ABTB2: variants seen among roughly 807,000 people sequenced by gnomAD.
ABTB2 encodes ankyrin repeat and BTB/POZ domain-containing protein 2.
ABTB2 carries 56 observed loss-of-function variants against 104.1 expected under a neutral mutation model. The ratio of observed to expected loss-of-function variants is 0.54; its 90% CI spans 0.43 to 0.67. The LOEUF (loss-of-function observed/expected upper bound fraction) is 0.67. ABTB2 is among the 30% of genes least tolerant of loss of function. The pLI is 0.00. For synonymous variants in ABTB2, 606 were observed against 608.2 expected (o/e 1.00, Z 0.05); for missense variants, 1,279 against 1,407.7 (o/e 0.91, Z 1.46).
At chr11:34,309,294 T>A (rs950707754) in intron 1 of ABTB2, among the ~76,000 whole-genome samples, 1 of 152,178 alleles carries the variant, frequency 6.6e-6, no homozygotes, top group Non-Finnish European at 1.5e-5. Flanking sequence ...TTGAAGGAAA[T>A]TGAGTTGGGG....
intron 9 of ABTB2, among the ~76,000 whole-genome samples, chr11:34,164,364 G>C: frequency 1.3e-5 from 1 of 77,790 alleles, no homozygotes. Context: ...CCACCAGCAG[G>C]CATGGGAAGC....
chr11:34,269,379 C>T (rs1363489748), intron 1 of ABTB2, among the ~76,000 whole-genome samples: 1 of 152,148 alleles, frequency 6.6e-6, no homozygotes, highest in African/African-American at 2.4e-5. Flanking sequence ...CTTGCTTGGG[C>T]CACCCATTTG....
intron 2 of ABTB2, among the ~76,000 whole-genome samples, chr11:34,198,058 A>G (rs1335186840): frequency 2.6e-5 from 4 of 152,226 alleles, no homozygotes; most frequent in African/African-American, 9.6e-5. Flanking sequence ...AAAGTATGCA[A>G]TTCCCCAGAA....
intron 1 of ABTB2, among the ~76,000 whole-genome samples, chr11:34,347,737 T>C (rs1367008549): frequency 7.2e-5 from 11 of 152,018 alleles, no homozygotes; most frequent in Admixed American, 1.3e-4. Context: ...GCATTTAATA[T>C]GCTTGAAATC....
rs371505033 is a variant in ABTB2 at position 34,164,780 on chromosome 11, C to T, written c.1894G>A (p.Asp632Asn). Residue 632 changes from aspartate to asparagine, a missense_variant, in exon 9 of 17, where the codon GAC becomes AAC. Asp to Asn is a conservative substitution (Grantham distance 23). Coordinates refer to ENST00000435224, the MANE Select transcript of ABTB2 (RefSeq NM_145804.3). ...LVSLLLSRGA[D>N]PLLSMLEAHG... is the part of the protein sequence containing the mutation. Reference sequence around the variant, plus strand: ...GCCTCCAGCATGCTGAGGAGGGGGTCGGCGCCTCGGCTCAGCAACAAACTG... The same window carrying T: ...GCCTCCAGCATGCTGAGGAGGGGGTTGGCGCCTCGGCTCAGCAACAAACTG... 1.3e-5 allele frequency: 21 copies of T among 1,573,310 alleles called. No individual in the cohort carries two copies. Among genetic ancestry groups the T allele is most frequent in the East Asian group, 4.8e-5 (2 of 41,488 alleles).
Position 34,356,614 on chromosome 11 carries a change from C to G in ABTB2, c.883+87G>C. The G allele has an allele frequency of 6.9e-7, 1 of 1,440,064 alleles. No homozygotes were observed. The allele number at this position is 1,440,064 out of a possible 1,614,324, so 89.2% of individuals were successfully genotyped here. On this transcript the variant is annotated intron_variant, in intron 1 of 16. Coordinates refer to ENST00000435224, the MANE Select transcript of ABTB2 (RefSeq NM_145804.3). The surrounding 1 kb of genome is among the most constrained non-coding windows in gnomAD (Gnocchi z 4.6). ...CCCAAAGAACTGGCACAGCCACCAGCTTTGTCTCAGGAAATTCACTCCCCC... is the reference window on the plus strand; with the variant it reads ...CCCAAAGAACTGGCACAGCCACCAGGTTTGTCTCAGGAAATTCACTCCCCC...
chr11:34,297,781 A>AAAAT (rs1564926724), intron 1 of ABTB2, among the ~76,000 whole-genome samples: 1 of 73,200 alleles, frequency 1.4e-5, no homozygotes. Context: ...AAAAAAAAAA[A>AAAAT]AAATAAAAAT....
chr11:34,250,650 T>A (rs1004044938), intron 1 of ABTB2, among the ~76,000 whole-genome samples: 1 of 152,200 alleles, frequency 6.6e-6, no homozygotes, highest in African/African-American at 2.4e-5. Context: ...AGACGCTTCA[T>A]CATTCTAGTC....
intron 3 of ABTB2, among the ~76,000 whole-genome samples, chr11:34,181,710 A>G (rs925315284): frequency 6.6e-6 from 1 of 152,120 alleles, no homozygotes; most frequent in African/African-American, 2.4e-5. Flanking sequence ...CAGGGCTGGG[A>G]GGTACACTGT....
chr11:34,306,803 G>A (rs924589496), intron 1 of ABTB2, among the ~76,000 whole-genome samples: 11 of 151,836 alleles, frequency 7.2e-5, no homozygotes, highest in Non-Finnish European at 1.5e-4. Context: ...CCTTTTTATA[G>A]ACAAATATTA....
rs71037402 is a variant in ABTB2, at chr11:34,172,395, A to AATATATATAT, written c.1397+750_1397+759dup. Among the ~76,000 whole-genome samples the AATATATATAT allele has an allele frequency of 1.2e-3, 34 of 29,048 alleles. 1 individual carries two copies. The highest frequency in any genetic ancestry group is 1.7e-3 in the Admixed American group (4 of 2,384). 19.1% of individuals were successfully genotyped at this position (29,048 alleles called of 152,430 possible). A position where few individuals can be genotyped will look rare whatever the true frequency, so the allele number is the denominator to read the frequency against. On this transcript the variant is annotated intron_variant, in intron 4 of 16. Coordinates refer to ENST00000435224, the MANE Select transcript of ABTB2 (RefSeq NM_145804.3). Reference sequence around the variant, plus strand: ...TCAAAAAAAAAAAAAAAAAAAAAAAAATATATATATATATATATATATATG... The same window carrying AATATATATAT: ...TCAAAAAAAAAAAAAAAAAAAAAAAAATATATATATATATATATATATATATATATATATG...
At chr11:34,163,413 C>T (rs1230685553) in intron 9 of ABTB2, among the ~76,000 whole-genome samples, 16 of 152,306 alleles carry the variant, frequency 1.1e-4, no homozygotes, top group South Asian at 6.2e-4. Context: ...GACGCTCCCC[C>T]GTGCTGCTGC....
chr11:34,209,863 A>C (rs1445390493), intron 1 of ABTB2, among the ~76,000 whole-genome samples: 1 of 34,048 alleles, frequency 2.9e-5, no homozygotes, highest in East Asian at 8.9e-4. Context: ...GGGGTGAGGG[A>C]TGGGGGTGAG....
At chr11:34,338,421 GA>G (rs1167933245) in intron 1 of ABTB2, among the ~76,000 whole-genome samples, 1 of 151,658 alleles carries the variant, frequency 6.6e-6, no homozygotes, top group East Asian at 1.9e-4. Flanking sequence ...TTCTGGTCGG[GA>G]ATGGCGGCTC....
At chr11:34,163,590 G>C (rs897996367) in intron 9 of ABTB2, among the ~76,000 whole-genome samples, 2 of 152,192 alleles carry the variant, frequency 1.3e-5, no homozygotes, top group Admixed American at 6.5e-5. Flanking sequence ...CAGCATGGGT[G>C]GTGCTGCAAG....
chr11:34,274,916 G>C (rs767221429), intron 1 of ABTB2, among the ~76,000 whole-genome samples: 1 of 152,176 alleles, frequency 6.6e-6, no homozygotes, highest in Non-Finnish European at 1.5e-5. Flanking sequence ...CAGACTAAGC[G>C]GGGGTGATGA....
At chr11:34,204,756 G>A (rs925748326) in intron 1 of ABTB2, 66 bp from the exon 2 acceptor site, 1 of 1,535,402 alleles carries the variant, frequency 6.5e-7, no homozygotes, top group East Asian at 2.3e-5. Context: ...GCCCCAGCCT[G>A]CTGCAGGCAG....
chr11:34,264,317 G>A (rs1228111495), intron 1 of ABTB2, among the ~76,000 whole-genome samples: 4 of 152,144 alleles, frequency 2.6e-5, no homozygotes, highest in Non-Finnish European at 5.9e-5. Context: ...AGGATTCAAT[G>A]GCAGCACATC....
chr11:34,168,136 C>T (rs1208159028), intron 5 of ABTB2, 144 bp from the exon 6 acceptor site: 1 of 785,494 alleles, frequency 1.3e-6, no homozygotes, highest in Non-Finnish European at 2.1e-6. Flanking sequence ...TCTGTGCTTC[C>T]TGGGCTGCTG....
Sources: gnomAD v4.1 joint callset for allele counts (sites outside exome capture counted in the v4.1 genomes callset) on GRCh38, gnomAD v4.1.1 for gene constraint, Gnocchi (gnomAD v3.1) non-coding constraint, MANE v1.5 for transcripts, NCBI Gene and HGNC (gene_info 2026-07-23, HGNC 2026-07-21) for gene names.